PHACTR1: variants seen among roughly 807,000 people sequenced by gnomAD.
The protein encoded by PHACTR1 is RPEL repeat containing 1.
PHACTR1 carries 16 observed loss-of-function variants against 69.2 expected under a neutral mutation model. The ratio of observed to expected loss-of-function variants is 0.23; its 90% CI spans 0.16 to 0.35. The LOEUF (loss-of-function observed/expected upper bound fraction) is 0.35. Ranked by LOEUF, PHACTR1 falls within the 10% of genes least tolerant of loss-of-function variation. The probability of loss-of-function intolerance (pLI) is 1.00; values close to 1 mark genes in which losing one functional copy is unlikely to be tolerated. For missense variants in PHACTR1, 510 were observed against 734.7 expected (o/e 0.69, Z 3.54); for synonymous variants, 312 against 284.5 (o/e 1.10, Z -0.97).
intron 10 of PHACTR1, among the ~76,000 whole-genome samples, chr6:13,244,992 G>A (rs1393353779): frequency 1.3e-5 from 2 of 152,142 alleles, no homozygotes; most frequent in Non-Finnish European, 2.9e-5. Context: ...TTAATTTGGG[G>A]AACTAATAAA....
At position 13,098,422 on chromosome 6, in the gene PHACTR1, G is replaced by A. The variant is rs549514747; in HGVS notation, c.415+44893G>A. Among the ~76,000 whole-genome samples, 208 of 152,100 alleles carry A rather than the reference G, an allele frequency of 1.4e-3. 1 individual carries two copies. The highest frequency in any genetic ancestry group is 4.7e-3 in the African/African-American group (193 of 41,472). On this transcript the variant is annotated intron_variant, in intron 5 of 14. Transcript: ENST00000332995. ...CCTGTGGGTTGCTATCTAGGCCTTC[G>A]CTTTGGGACTCCCTCTTTTGAGGAT...
intron 4 of PHACTR1, among the ~76,000 whole-genome samples, chr6:12,963,163 T>C (rs1030813355): frequency 1.3e-5 from 2 of 152,196 alleles, no homozygotes. Flanking sequence ...CTCACAAATA[T>C]GGGAAGTGCA....
intron 4 of PHACTR1, among the ~76,000 whole-genome samples, chr6:12,832,221 A>G (rs1056991176): frequency 6.6e-6 from 1 of 152,124 alleles, no homozygotes; most frequent in Admixed American, 6.5e-5. Context: ...CACATTCTCA[A>G]GATAGCAGTC....
chr6:12,755,996 T>G (rs1029817606), intron 4 of PHACTR1, among the ~76,000 whole-genome samples: 4 of 152,212 alleles, frequency 2.6e-5, no homozygotes, highest in Non-Finnish European at 5.9e-5. Context: ...TTTCTTCACG[T>G]GCATATAAAC....
At chr6:12,723,493 T>TC (rs1342851893) in intron 3 of PHACTR1, among the ~76,000 whole-genome samples, 1 of 118,124 alleles carries the variant, frequency 8.5e-6, no homozygotes, top group African/African-American at 3.1e-5. Context: ...CTTTTCTTTT[T>TC]TTTTTTTTTT....
chr6:13,130,900 A>G (rs1820299523), intron 5 of PHACTR1, among the ~76,000 whole-genome samples: 1 of 152,146 alleles, frequency 6.6e-6, no homozygotes, highest in Non-Finnish European at 1.5e-5. Context: ...TAGATGCAAA[A>G]ATCCTTAAGA....
At chr6:12,945,687 G>A (rs1790590488) in intron 4 of PHACTR1, among the ~76,000 whole-genome samples, 1 of 151,988 alleles carries the variant, frequency 6.6e-6, no homozygotes. Context: ...AGTTCAGCTG[G>A]GTACAGTGGC....
intron 4 of PHACTR1, among the ~76,000 whole-genome samples, chr6:12,768,403 C>T (rs1768941838): frequency 6.6e-6 from 1 of 152,138 alleles, no homozygotes; most frequent in Non-Finnish European, 1.5e-5. Flanking sequence ...CGTGAGCCAC[C>T]GCGCCCGGCC....
At position 13,014,296 on chromosome 6, in the gene PHACTR1, C is replaced by T. The variant is rs1187819094; in HGVS notation, c.251-39069C>T. On this transcript the variant is annotated intron_variant, in intron 4 of 14. Coordinates refer to ENST00000332995, the MANE Select transcript of PHACTR1 (RefSeq NM_030948.6). ...AGACATGACAGCCGCCCGCCGGGCA[C>T]TTTGCAGAGTGCCACCCACAGCCCA... Among the ~76,000 whole-genome samples, 3 of 152,162 alleles carry T rather than the reference C, an allele frequency of 2.0e-5. No individual in the cohort carries two copies. The East Asian group carries it at 5.8e-4, about 30-fold the overall frequency.
At chr6:12,910,021 T>A (rs1280707194) in intron 4 of PHACTR1, among the ~76,000 whole-genome samples, 1 of 152,232 alleles carries the variant, frequency 6.6e-6, no homozygotes, top group Non-Finnish European at 1.5e-5. Context: ...GGCAGTGAGT[T>A]CTAGAGAACA....
chr6:13,262,437 CATCAGCATAT>C (rs959892891), intron 10 of PHACTR1, among the ~76,000 whole-genome samples: 18 of 152,276 alleles, frequency 1.2e-4, no homozygotes, highest in African/African-American at 3.6e-4. Context: ...ATTTTGGAAT[CATCAGCATAT>C]TGATGCTATT....
intron 5 of PHACTR1, among the ~76,000 whole-genome samples, chr6:13,095,115 T>G (rs968196414): frequency 2.6e-5 from 4 of 152,176 alleles, no homozygotes; most frequent in African/African-American, 9.6e-5. Flanking sequence ...AAACTTACCT[T>G]GCCAGCAACT....
Position 12,951,470 on chromosome 6 carries a change from A to C in PHACTR1, c.251-101895A>C, listed in dbSNP as rs533973441. Among the ~76,000 whole-genome samples, 4 of 152,382 alleles carry C rather than the reference A, an allele frequency of 2.6e-5. No homozygotes were observed. The East Asian group carries it at 5.8e-4, about 22-fold the overall frequency. ...GATAATAAAAGAAAAGGGGGGAGTT[A>C]TAATCTGCAATATCCTCATTCCCTT... On this transcript the variant is annotated intron_variant, in intron 4 of 14. Coordinates refer to ENST00000332995, the MANE Select transcript of PHACTR1 (RefSeq NM_030948.6).
At chr6:12,770,033 GGATGCT>G (rs527409454) in intron 4 of PHACTR1, among the ~76,000 whole-genome samples, 65 of 152,266 alleles carry the variant, frequency 4.3e-4, no homozygotes, top group African/African-American at 1.5e-3. Context: ...ATTCTGTTTG[GGATGCT>G]GATGCGATTT....
At chr6:13,135,402 C>G (rs557562621) in intron 5 of PHACTR1, among the ~76,000 whole-genome samples, 1 of 152,370 alleles carries the variant, frequency 6.6e-6, no homozygotes, top group Non-Finnish European at 1.5e-5. Flanking sequence ...TACACCTGCC[C>G]TGCACCCCGG....
chr6:12,755,157 T>C (rs1767159256), intron 4 of PHACTR1, among the ~76,000 whole-genome samples: 1 of 152,210 alleles, frequency 6.6e-6, no homozygotes, highest in Non-Finnish European at 1.5e-5. Flanking sequence ...GTATTTACAA[T>C]TACCTTATGG....
chr6:12,891,854 C>T (rs948678742), intron 4 of PHACTR1, among the ~76,000 whole-genome samples: 4 of 152,218 alleles, frequency 2.6e-5, no homozygotes, highest in African/African-American at 9.6e-5. Context: ...GTGTAACTCT[C>T]AGCAAGTCTT....
intron 7 of PHACTR1, among the ~76,000 whole-genome samples, chr6:13,188,004 G>T (rs1161403919): frequency 6.6e-6 from 1 of 152,134 alleles, no homozygotes; most frequent in Non-Finnish European, 1.5e-5. Context: ...GTATCCACAG[G>T]GTTCTTTACA....
At position 12,717,661 on chromosome 6, in the gene PHACTR1, T is replaced by A. The variant is rs1761559439; in HGVS notation, c.-129T>A. 1.3e-5 allele frequency: 2 copies of A among 152,212 alleles called. No individual in the cohort carries two copies. The highest frequency in any genetic ancestry group is 4.1e-4 in the South Asian group (2 of 4,830). The allele number at this position is 152,212 out of a possible 1,614,324, so 9.4% of individuals were successfully genotyped here. On this transcript the variant is annotated 5_prime_UTR_variant, in exon 2 of 15. Transcript: ENST00000332995. ...CAAAATCGTTTACTTTCACCGGGAA[T>A]ATTTAGCAAGATCAAAGACACTCTG...
Sources: allele counts gnomAD v4.1 joint callset (sites outside exome capture counted in the v4.1 genomes callset), GRCh38; gene constraint gnomAD v4.1.1; transcripts MANE v1.5; gene names NCBI Gene and HGNC (gene_info 2026-07-23, HGNC 2026-07-21).